ZNF3: variants seen among roughly 807,000 people sequenced by gnomAD.
The protein encoded by ZNF3 is C2-H2 type zinc finger protein.
Under a neutral mutation model 36.9 loss-of-function variants are expected in ZNF3, and 16 were observed. The ratio of observed to expected loss-of-function variants is 0.43; its 90% CI spans 0.29 to 0.66. The LOEUF is 0.66. Ranked by LOEUF, ZNF3 falls within the 30% of genes least tolerant of loss-of-function variation. ZNF3 has a pLI of 0.13. For missense variants in ZNF3, 462 were observed against 543.1 expected, an observed-to-expected ratio of 0.85 and a Z score of 1.48; for synonymous variants, 201 against 201.9, an observed-to-expected ratio of 1.00 and a Z score of 0.04.
chr7:100,080,669 C>T (rs1416353684), intron 1 of ZNF3, among the ~76,000 whole-genome samples: 1 of 152,098 alleles, frequency 6.6e-6, no homozygotes, highest in Non-Finnish European at 1.5e-5. Context: ...AAAAATTCGC[C>T]GGAGGTGGTG....
downstream of ZNF3, among the ~76,000 whole-genome samples, chr7:100,065,640 G>T (rs1017492044): frequency 2.0e-5 from 3 of 151,800 alleles, no homozygotes; most frequent in African/African-American, 4.8e-5. Context: ...TCCATTCAGG[G>T]TGTGGTATTG....
At chr7:100,077,540 A>T in intron 2 of ZNF3, 107 bp from the exon 3 acceptor site, 1 of 1,058,232 alleles carries the variant, frequency 9.4e-7, no homozygotes, top group Non-Finnish European at 1.3e-6. Flanking sequence ...GTGAGAAGAA[A>T]TGTGGCAACT....
chr7:100,065,317 G>A (rs1040065548), downstream of ZNF3, among the ~76,000 whole-genome samples: 21 of 151,666 alleles, frequency 1.4e-4, no homozygotes, highest in Admixed American at 1.3e-3. Context: ...CAAGCCACTC[G>A]GGAGGCTGAG....
At chr7:100,064,091 A>C in exon 6 of ZNF3, 1 of 1,614,196 alleles carries the variant, frequency 6.2e-7, no homozygotes, top group Non-Finnish European at 8.5e-7. Flanking sequence ...AGGAGAACAC[A>C]CACTGGGGAG....
chr7:100,067,886 G>A (rs541152551), downstream of ZNF3, among the ~76,000 whole-genome samples: 5 of 152,262 alleles, frequency 3.3e-5, no homozygotes, highest in South Asian at 2.1e-4. Context: ...TTAGATGGAG[G>A]AGGATGAGGA....
Position 100,071,903 on chromosome 7 carries a change from G to A in ZNF3, c.581C>T (p.Pro194Leu). The A allele has an allele frequency of 1.2e-6, 2 of 1,614,208 alleles. No homozygotes were observed. Residue 194 changes from proline (P) to leucine (L), a missense_variant, in exon 6 of 6, where the codon CCC becomes CTC. Pro to Leu is a moderately conservative substitution (Grantham distance 98). Coordinates refer to ENST00000299667, the MANE Select transcript of ZNF3 (RefSeq NM_032924.5). ...ACACTTATGGGGTCTGTCTCCCACG[G>A]GGAGTCTCTGATGTGAGATAAGGTT... ...NSNLISHQRL[P>L]VGDRPHKCDE... is the part of the protein sequence containing the mutation.
chr7:100,068,806 C>T (rs2116222240), downstream of ZNF3, among the ~76,000 whole-genome samples: 1 of 151,948 alleles, frequency 6.6e-6, no homozygotes, highest in South Asian at 2.1e-4. Context: ...CACAAGTGTG[C>T]ACCACCACAC....
At position 100,077,376 on chromosome 7, in the gene ZNF3, C is replaced by G. The variant is rs765511826; in HGVS notation, c.-19G>C. ...TTTCCATGGAAGGGCAAGGTGCTCT[C>G]TGGTCTCCTGGGTGCAGACTCAGCG... On this transcript the variant is annotated 5_prime_UTR_variant, in exon 3 of 6. Transcript: ENST00000299667. 1 of 1,613,664 alleles carries G rather than the reference C, an allele frequency of 6.2e-7. No individual in the cohort carries two copies. Among genetic ancestry groups the G allele is most frequent in the Non-Finnish European group, 8.5e-7 (1 of 1,179,944 alleles).
intron 3 of ZNF3, among the ~76,000 whole-genome samples, 182 bp from the exon 4 acceptor site, chr7:100,075,812 A>C (rs1794007710): frequency 6.6e-6 from 1 of 152,142 alleles, no homozygotes; most frequent in Non-Finnish European, 1.5e-5. Context: ...GCAAACTCAG[A>C]GCGAGTCCAT....
downstream of ZNF3, among the ~76,000 whole-genome samples, chr7:100,068,803 G>A (rs1227268046): frequency 6.6e-6 from 1 of 151,744 alleles, no homozygotes; most frequent in Non-Finnish European, 1.5e-5. Flanking sequence ...GACCACAAGT[G>A]TGCACCACCA....
exon 6 of ZNF3, chr7:100,064,567 A>T: frequency 6.2e-7 from 1 of 1,614,238 alleles, no homozygotes; most frequent in Non-Finnish European, 8.5e-7. Context: ...TAGCAAGTCC[A>T]ATCTTTCCAA....
downstream of ZNF3, among the ~76,000 whole-genome samples, chr7:100,068,989 ATATAT>A (rs1166189420): frequency 3.0e-4 from 45 of 150,844 alleles, no homozygotes; most frequent in African/African-American, 6.6e-4. Context: ...GCTGATATAT[ATATAT>A]AATTTTTTTT....
downstream of ZNF3, chr7:100,065,037 G>A: frequency 8.2e-7 from 1 of 1,221,082 alleles, no homozygotes; most frequent in Non-Finnish European, 1.1e-6. Context: ...ATAACATCTT[G>A]TAATGCCTCA....
chr7:100,065,925 C>G (rs1207081970), downstream of ZNF3, among the ~76,000 whole-genome samples: 1 of 145,922 alleles, frequency 6.9e-6, no homozygotes, highest in African/African-American at 2.6e-5. Flanking sequence ...CATACTAGAT[C>G]CTGTATCAAA....
In ZNF3 at chr7:100,071,042, T is replaced by C. The variant is rs961272740; in HGVS notation, c.*101A>G. The C allele has an allele frequency of 6.7e-7, 1 of 1,496,638 alleles. No homozygotes were observed. The highest frequency in any genetic ancestry group is 1.4e-5 in the African/African-American group (1 of 71,490). The allele number at this position is 1,496,638 out of a possible 1,614,324, so 92.7% of individuals were successfully genotyped here. ...CTGCCCCATTCTCTAAAATGAAAAG[T>C]CTGAGTTGAAAGGGACACATCCTAA... On this transcript the variant is annotated 3_prime_UTR_variant, in exon 6 of 6. Transcript: ENST00000299667.
upstream of ZNF3, among the ~76,000 whole-genome samples, chr7:100,082,008 G>A (rs1012582565): frequency 6.6e-6 from 1 of 152,184 alleles, no homozygotes; most frequent in African/African-American, 2.4e-5. Context: ...GTGCTCCAGC[G>A]TCGCCGGCCT....
At position 100,071,503 on chromosome 7, in the gene ZNF3, A is replaced by G; in HGVS notation, c.981T>C (p.Leu327=). 6.2e-7 allele frequency: 1 copy of G among 1,613,464 alleles called. No homozygotes were observed. Among genetic ancestry groups the G allele is most frequent in the South Asian group, 1.1e-5 (1 of 91,060 alleles). The stretch of plus-strand genomic sequence containing the variant: ...CAGTGTGGATTCTCTGATGGTGAAT[A>G]AGGGTTGAGCTCCTGCTGAAGGCCT... The part of the protein sequence containing the change: ...CGKAFSRSST[L]IHHQRIHTGE... Residue 327 remains leucine (L), a synonymous_variant, in exon 6 of 6, where the codon CTT becomes CTC. Coordinates refer to ENST00000299667, the MANE Select transcript of ZNF3 (RefSeq NM_032924.5).
downstream of ZNF3, chr7:100,065,179 G>A (rs1792583367): frequency 6.6e-6 from 3 of 454,032 alleles, no homozygotes; most frequent in South Asian, 4.6e-5. Flanking sequence ...TGTAATCCCA[G>A]CACCTTGGAA....
At position 100,072,841 on chromosome 7, in the gene ZNF3, G is replaced by A. The variant is rs1793433418; in HGVS notation, c.272-629C>T. On this transcript the variant is annotated intron_variant, in intron 5 of 5. Coordinates refer to ENST00000299667, the MANE Select transcript of ZNF3 (RefSeq NM_032924.5). ...TATGCAAAGAATCTCAGTGTCTGAC[G>A]TCTCTGTTTTCACTCCTTTTGAGTT... Among the ~76,000 whole-genome samples the A allele has an allele frequency of 3.9e-5, 6 of 152,342 alleles. 2 individuals are homozygous for A. The South Asian group carries it at 8.3e-4, about 21-fold the overall frequency.
Sources: allele counts gnomAD v4.1 joint callset (sites outside exome capture counted in the v4.1 genomes callset), GRCh38; gene constraint gnomAD v4.1.1; transcripts MANE v1.5; gene names NCBI Gene and HGNC (gene_info 2026-07-23, HGNC 2026-07-21).